Variants in OPCML observed in about 807,000 individuals in gnomAD.
OPCML encodes the protein opioid binding protein/cell adhesion molecule like, also known as opioid-binding protein/cell adhesion molecule.
In OPCML, 13 loss-of-function variants were observed where a neutral mutation model predicts 37.8. That is an observed-to-expected ratio of 0.34 (90% CI 0.22 to 0.55). The LOEUF is 0.55. OPCML is among the 20% of genes least tolerant of loss of function. The probability of loss-of-function intolerance (pLI) is 0.91; values close to 1 mark genes in which losing one functional copy is unlikely to be tolerated. For missense variants in OPCML, 341 were observed against 435.6 expected (o/e 0.78, Z 1.93); for synonymous variants, 176 against 168.8 (o/e 1.04, Z -0.33).
At chr11:133,422,820 A>C (rs541034197) in intron 1 of OPCML, 9 of 905,470 alleles carry the variant, frequency 9.9e-6, no homozygotes, top group Non-Finnish European at 1.2e-5. Flanking sequence ...TTGGAATCAG[A>C]AAGTATTCTC....
intron 1 of OPCML, among the ~76,000 whole-genome samples, chr11:133,017,450 T>G (rs913762328): frequency 6.6e-6 from 1 of 151,874 alleles, no homozygotes; most frequent in African/African-American, 2.4e-5. Flanking sequence ...CAGGCTGGAG[T>G]GCAATAGCGC....
rs541916092 is a variant in OPCML at position 132,943,778 on chromosome 11, G to C, written c.62-768C>G. On this transcript the variant is annotated intron_variant, in intron 1 of 7. Transcript: ENST00000524381. The surrounding 1 kb of genome is among the most constrained non-coding windows in gnomAD (Gnocchi z 4.3). ...GAGCGCCGCCCGGCGCAGGCTCCGG[G>C]CGCACGGGGAGCTGGGCGGACGGCG... 1 of 150,452 alleles carries C rather than the reference G, an allele frequency of 6.6e-6. No individual in the cohort carries two copies. Among genetic ancestry groups the C allele is most frequent in the Non-Finnish European group, 1.5e-5 (1 of 67,524 alleles). The allele number at this position is 150,452 out of a possible 1,614,324, so 9.3% of individuals were successfully genotyped here. A position where few individuals can be genotyped will look rare whatever the true frequency, so the allele number is the denominator to read the frequency against.
intron 1 of OPCML, among the ~76,000 whole-genome samples, chr11:133,509,876 C>T (rs1348726406): frequency 6.6e-6 from 1 of 152,154 alleles, no homozygotes; most frequent in South Asian, 2.1e-4. Context: ...CTTTGTGAGG[C>T]ACCACCTCTG....
chr11:132,925,296 A>G (rs939995509), intron 2 of OPCML, among the ~76,000 whole-genome samples: 3 of 152,222 alleles, frequency 2.0e-5, no homozygotes, highest in African/African-American at 4.8e-5. Context: ...TGTCTCTTCG[A>G]ACTCTGTTTT....
chr11:133,322,892 G>C (rs1039630071), intron 1 of OPCML, among the ~76,000 whole-genome samples: 2 of 152,144 alleles, frequency 1.3e-5, no homozygotes, highest in African/African-American at 2.4e-5. Context: ...TTAGTTGAAA[G>C]AATGAACAAA....
chr11:132,436,039 C>T, intron 7 of OPCML, 47 bp downstream of exon 7: 2 of 1,589,460 alleles, frequency 1.3e-6, no homozygotes, highest in Non-Finnish European at 1.7e-6. Flanking sequence ...GTCCCTCAAG[C>T]TTCCCCATGT....
chr11:133,342,557 G>A (rs761102014), intron 1 of OPCML, among the ~76,000 whole-genome samples: 10 of 152,150 alleles, frequency 6.6e-5, no homozygotes, highest in African/African-American at 7.2e-5. Context: ...TAAACAAGGC[G>A]GGCTGCAAGT....
chr11:132,891,833 G>A (rs1410123599), intron 2 of OPCML, among the ~76,000 whole-genome samples: 1 of 152,194 alleles, frequency 6.6e-6, no homozygotes, highest in Non-Finnish European at 1.5e-5. Flanking sequence ...TTAACGTCCA[G>A]ATTTTTCAAT....
chr11:132,861,292 G>C (rs949884044), intron 2 of OPCML, among the ~76,000 whole-genome samples: 2 of 152,142 alleles, frequency 1.3e-5, no homozygotes, highest in Admixed American at 1.3e-4. Context: ...TCAAAGCTGG[G>C]CTTCTTCATT....
At chr11:133,117,780 G>T in intron 1 of OPCML, 4 of 981,076 alleles carry the variant, frequency 4.1e-6, no homozygotes, top group Non-Finnish European at 4.8e-6. Flanking sequence ...CTAAGCAAGA[G>T]AAAGTGCTTA....
At chr11:132,907,192 T>C (rs931446019) in intron 2 of OPCML, among the ~76,000 whole-genome samples, 2 of 152,214 alleles carry the variant, frequency 1.3e-5, no homozygotes, top group African/African-American at 2.4e-5. Flanking sequence ...TTTTGCAATA[T>C]GAACCCTCCA....
At chr11:132,787,559 G>A (rs1004463103) in intron 2 of OPCML, among the ~76,000 whole-genome samples, 2 of 151,574 alleles carry the variant, frequency 1.3e-5, no homozygotes, top group Non-Finnish European at 2.9e-5. Context: ...GTCTGCTGAT[G>A]TTAAAAAAAA....
At chr11:133,056,969 G>C (rs961127491) in intron 1 of OPCML, among the ~76,000 whole-genome samples, 1 of 152,024 alleles carries the variant, frequency 6.6e-6, no homozygotes, top group Admixed American at 6.6e-5. Flanking sequence ...TCAGCCTCCC[G>C]AGTAGCTGGG....
rs140209427 is a variant in OPCML, at chr11:133,165,439, C to T, written c.62-222429G>A. Among the ~76,000 whole-genome samples, 990 of 152,196 alleles carry T rather than the reference C, an allele frequency of 6.5e-3. 15 individuals are homozygous for T. Among genetic ancestry groups the T allele is most frequent in the African/African-American group, 0.022 (929 of 41,516 alleles). ...CCCTGGCCAGGGACCCTTGTTTCAA[C>T]GAAGGGTTCCTTTTCCCTGGGCCTG... On this transcript the variant is annotated intron_variant, in intron 1 of 7. Coordinates refer to ENST00000524381, the MANE Select transcript of OPCML (RefSeq NM_001012393.5).
At chr11:132,864,048 C>T (rs1337767830) in intron 2 of OPCML, among the ~76,000 whole-genome samples, 6 of 152,172 alleles carry the variant, frequency 3.9e-5, no homozygotes. Flanking sequence ...AGTGATTCTC[C>T]TGCCTCAGCT....
At chr11:132,429,552 C>T (rs1048457847) in intron 7 of OPCML, among the ~76,000 whole-genome samples, 3 of 152,018 alleles carry the variant, frequency 2.0e-5, no homozygotes, top group Admixed American at 6.5e-5. Flanking sequence ...CCGAGCGTTC[C>T]CAGCGGAGAA....
intron 2 of OPCML, among the ~76,000 whole-genome samples, chr11:132,816,953 C>T (rs78560243): frequency 0.026 from 3,921 of 152,244 alleles, 121 homozygotes; most frequent in African/African-American, 0.075. Context: ...ACAGTTACCC[C>T]TCAGAAAGGC....
At chr11:133,490,635 C>T (rs1209754761) in intron 1 of OPCML, among the ~76,000 whole-genome samples, 2 of 152,194 alleles carry the variant, frequency 1.3e-5, no homozygotes, top group Non-Finnish European at 2.9e-5. Flanking sequence ...CATGCCACTC[C>T]TCTGTGGACA....
At chr11:132,598,143 A>G (rs906571932) in intron 3 of OPCML, among the ~76,000 whole-genome samples, 4 of 152,162 alleles carry the variant, frequency 2.6e-5, no homozygotes, top group Non-Finnish European at 5.9e-5. Flanking sequence ...AAGGATACAG[A>G]GAAAAAGAGA....
Sources: allele counts gnomAD v4.1 joint callset (sites outside exome capture counted in the v4.1 genomes callset), GRCh38; gene constraint gnomAD v4.1.1; non-coding constraint Gnocchi (gnomAD v3.1); transcripts MANE v1.5; gene names NCBI Gene and HGNC (gene_info 2026-07-23, HGNC 2026-07-21).